The following ZBTB37 variants were observed in gnomAD, a reference collection of about 807,000 sequenced individuals.
ZBTB37 encodes the protein zinc finger and BTB domain-containing protein 37.
A neutral mutation model predicts 37.7 loss-of-function variants in ZBTB37; 15 were observed. The ratio of observed to expected loss-of-function variants is 0.40; its 90% CI spans 0.27 to 0.61. The LOEUF (loss-of-function observed/expected upper bound fraction) is 0.61, where lower values mean the gene tolerates loss of function less well. Ranked by LOEUF, ZBTB37 falls within the 20% of genes least tolerant of loss-of-function variation. ZBTB37 has a pLI of 0.44. For synonymous variants in ZBTB37, 231 were observed against 220.6 expected (o/e 1.05, Z -0.42); for missense variants, 514 against 641.9 (o/e 0.80, Z 2.15).
rs1367318327 is a variant in ZBTB37 at position 173,873,372 on chromosome 1, C to T, written c.924-95C>T. ...TTTGTTGCTTGGTTTGTTCCCCCTT[C>T]CTCAGCCATAGAATAAAGAGGGGCG... On this transcript the variant is annotated intron_variant, in intron 3 of 4. Transcript: ENST00000427304. The T allele has an allele frequency of 3.0e-6, 4 of 1,313,584 alleles. No homozygotes were observed. The African/African-American group carries it at 6.0e-5, about 20-fold the overall frequency. The allele number at this position is 1,313,584 out of a possible 1,614,324, so 81.4% of individuals were successfully genotyped here. A position where few individuals can be genotyped will look rare whatever the true frequency, so the allele number is the denominator to read the frequency against.
At chr1:173,896,571 A>G (rs1483345525) in exon 4 of ZBTB37, 2 of 152,244 alleles carry the variant, frequency 1.3e-5, no homozygotes, top group Non-Finnish European at 2.9e-5. Context: ...AAATTGCAAG[A>G]GAGAACAAAG....
At chr1:173,876,856 T>C (rs1655999575) in intron 4 of ZBTB37, among the ~76,000 whole-genome samples, 3 of 152,178 alleles carry the variant, frequency 2.0e-5, no homozygotes, top group Non-Finnish European at 4.4e-5. Context: ...CAGTATATTC[T>C]GAGAAATGCT....
At chr1:173,887,205 C>G (rs1209447959), downstream of ZBTB37, 2 of 152,168 alleles carry the variant, frequency 1.3e-5, no homozygotes, top group African/African-American at 4.8e-5. Context: ...AAATTCAACA[C>G]TATGGTTCTT....
intron 4 of ZBTB37, among the ~76,000 whole-genome samples, chr1:173,884,173 G>C (rs1001332997): frequency 2.2e-4 from 33 of 148,344 alleles, no homozygotes; most frequent in African/African-American, 5.7e-4. Flanking sequence ...TTTTTTTGAG[G>C]TGGGGTCTTG....
At chr1:173,884,514 A>G (rs1349882211) in intron 4 of ZBTB37, among the ~76,000 whole-genome samples, 1 of 152,138 alleles carries the variant, frequency 6.6e-6, no homozygotes, top group Non-Finnish European at 1.5e-5. Context: ...ACTGCCTCCC[A>G]GTTTTCGGAT....
At chr1:173,875,658 G>A (rs1210160495) in intron 4 of ZBTB37, among the ~76,000 whole-genome samples, 1 of 151,616 alleles carries the variant, frequency 6.6e-6, no homozygotes, top group African/African-American at 2.4e-5. Context: ...AATTGCTTAT[G>A]CTTTTTTTTT....
chr1:173,879,066 G>A (rs1027022213), intron 4 of ZBTB37, among the ~76,000 whole-genome samples: 1 of 150,682 alleles, frequency 6.6e-6, no homozygotes, highest in African/African-American at 2.4e-5. Flanking sequence ...CCTCCAGCCC[G>A]GGGAACAAGA....
chr1:173,872,100 G>A (rs143031261), intron 3 of ZBTB37, among the ~76,000 whole-genome samples: 16 of 152,224 alleles, frequency 1.1e-4, no homozygotes, highest in Admixed American at 3.3e-4. Flanking sequence ...ACGGAGTCTC[G>A]CTGTGTCGTC....
At position 173,869,827 on chromosome 1, in the gene ZBTB37, T is replaced by C. The variant is rs150605707; in HGVS notation, c.-29-370T>C. ...AAAGCTTTCCTCCTCCAGAGAAAAG[T>C]TGTAAAGTTATGAGATGTTATATTC... On this transcript the variant is annotated intron_variant, in intron 2 of 4. Coordinates refer to ENST00000427304, the Ensembl canonical transcript of ZBTB37. 6.1e-4 allele frequency among the ~76,000 whole-genome samples: 93 copies of C among 152,306 alleles called. 1 individual carries two copies. The highest frequency in any genetic ancestry group is 2.0e-3 in the African/African-American group (84 of 41,566).
intron 2 of ZBTB37, among the ~76,000 whole-genome samples, chr1:173,869,710 T>C (rs1380570041): frequency 6.6e-6 from 1 of 152,208 alleles, no homozygotes; most frequent in African/African-American, 2.4e-5. Flanking sequence ...GGGATATTAG[T>C]CCTTTTATAA....
chr1:173,895,097 AT>A (rs1656993000), exon 4 of ZBTB37: 4 of 151,734 alleles, frequency 2.6e-5, no homozygotes, highest in African/African-American at 7.3e-5. Context: ...AAAAGCTTAC[AT>A]TTTTTTTGTT....
At position 173,880,871 on chromosome 1, in the gene ZBTB37, A is replaced by C. The variant is rs75167558; in HGVS notation, c.1024-4765A>C. Reference sequence around the variant, plus strand: ...TTGTGCTCACAGTTTATCACTGATTACTAAAATGCATTTACTTTCTGCATG... The same window carrying C: ...TTGTGCTCACAGTTTATCACTGATTCCTAAAATGCATTTACTTTCTGCATG... On this transcript the variant is annotated intron_variant, in intron 4 of 4. Transcript: ENST00000427304. Among the ~76,000 whole-genome samples, 265 of 152,286 alleles carry C rather than the reference A, an allele frequency of 1.7e-3. 8 individuals are homozygous for C. The East Asian group carries it at 0.048, about 28-fold the overall frequency.
At chr1:173,872,757 C>T (rs1027360864) in intron 3 of ZBTB37, among the ~76,000 whole-genome samples, 1 of 152,066 alleles carries the variant, frequency 6.6e-6, no homozygotes, top group African/African-American at 2.4e-5. Context: ...CCTGTGATCC[C>T]AGCACTTTGG....
chr1:173,884,024 A>G (rs1357379338), intron 4 of ZBTB37, among the ~76,000 whole-genome samples: 1 of 152,216 alleles, frequency 6.6e-6, no homozygotes, highest in Non-Finnish European at 1.5e-5. Flanking sequence ...CTACATATTT[A>G]AAAAGGTTTT....
At chr1:173,868,588 G>A (rs1286022918) in intron 1 of ZBTB37, among the ~76,000 whole-genome samples, 183 bp downstream of exon 1, 3 of 152,120 alleles carry the variant, frequency 2.0e-5, no homozygotes, top group Admixed American at 6.5e-5. Context: ...CTGATCTGCC[G>A]GACCCGCCCC....
At chr1:173,873,524 G>A (rs1435151908) in exon 4 of ZBTB37, 1 of 1,613,980 alleles carries the variant, frequency 6.2e-7, no homozygotes, top group African/African-American at 1.3e-5. Context: ...CCAGAAGTGA[G>A]TCTCCTGGGA....
At chr1:173,870,862 C>T (rs1329040504) in exon 3 of ZBTB37, 20 of 1,614,100 alleles carry the variant, frequency 1.2e-5, no homozygotes, top group South Asian at 4.4e-5. Flanking sequence ...GCCCATTCTT[C>T]GGATCAACCG....
Position 173,903,233 on chromosome 1 carries a change from C to G in ZBTB37, c.*17109C>G, listed in dbSNP as rs891929274. 2.6e-5 allele frequency: 4 copies of G among 152,764 alleles called. 1 individual carries two copies. The highest frequency in any genetic ancestry group is 9.7e-5 in the African/African-American group (4 of 41,364). The allele number at this position is 152,764 out of a possible 1,614,324, so 9.5% of individuals were successfully genotyped here. On this transcript the variant is annotated 3_prime_UTR_variant, in exon 4 of 4. Coordinates refer to the ZBTB37 transcript ENST00000367701. ...TTGCATGTCTCCTAGAGCCCCAGGACCCCTGTCGTGTCGGGGAAGGGGGGA... is the reference window on the plus strand; with the variant it reads ...TTGCATGTCTCCTAGAGCCCCAGGAGCCCTGTCGTGTCGGGGAAGGGGGGA...
At chr1:173,877,437 A>G (rs1272594151) in intron 4 of ZBTB37, among the ~76,000 whole-genome samples, 1 of 134,958 alleles carries the variant, frequency 7.4e-6, no homozygotes, top group Non-Finnish European at 1.5e-5. Flanking sequence ...GCTAGAGTGC[A>G]GTGGTATGAT....
Sources: gnomAD v4.1 joint callset for allele counts (sites outside exome capture counted in the v4.1 genomes callset) on GRCh38, gnomAD v4.1.1 for gene constraint, MANE v1.5 for transcripts, NCBI Gene and HGNC (gene_info 2026-07-23, HGNC 2026-07-21) for gene names.